The following ADK variants were observed in gnomAD, a reference collection of about 807,000 sequenced individuals.
ADK encodes the protein adenosine kinase.
A neutral mutation model predicts 44.7 loss-of-function variants in ADK; 24 were observed. That is an observed-to-expected ratio of 0.54 (90% confidence interval 0.39 to 0.76). ADK has a LOEUF of 0.76. Ranked by LOEUF, ADK falls within the 30% of genes least tolerant of loss-of-function variation. The pLI is 0.00. For synonymous variants in ADK, 128 were observed against 142.6 expected (o/e 0.90, Z 0.73); for missense variants, 321 against 425.1 (o/e 0.76, Z 2.15).
intron 10 of ADK, among the ~76,000 whole-genome samples, chr10:74,686,757 A>G (rs1429472664): frequency 2.6e-5 from 4 of 151,764 alleles, no homozygotes; most frequent in African/African-American, 9.7e-5. Flanking sequence ...GCTCACTGCA[A>G]CCTCTGCCTC....
intron 10 of ADK, among the ~76,000 whole-genome samples, chr10:74,699,283 G>A (rs1856326001): frequency 6.6e-6 from 1 of 151,380 alleles, no homozygotes; most frequent in Non-Finnish European, 1.5e-5. Flanking sequence ...TGCTGACACA[G>A]TACAGTATTT....
At chr10:74,237,281 C>A (rs1211696462) in intron 3 of ADK, among the ~76,000 whole-genome samples, 1 of 152,194 alleles carries the variant, frequency 6.6e-6, no homozygotes. Context: ...TACATTCCAT[C>A]TTAGGAAACC....
intron 6 of ADK, among the ~76,000 whole-genome samples, chr10:74,408,318 G>C (rs1177231093): frequency 6.6e-6 from 1 of 152,034 alleles, no homozygotes; most frequent in Admixed American, 6.6e-5. Context: ...TAATAACTAT[G>C]ATTTATCTCT....
At chr10:74,402,256 C>T (rs1166735640) in intron 6 of ADK, among the ~76,000 whole-genome samples, 1 of 152,012 alleles carries the variant, frequency 6.6e-6, no homozygotes, top group Non-Finnish European at 1.5e-5. Flanking sequence ...TTGTGGTGTT[C>T]TCTGTATTTC....
chr10:74,584,229 T>C (rs945580940), intron 7 of ADK, among the ~76,000 whole-genome samples: 1 of 152,222 alleles, frequency 6.6e-6, no homozygotes, highest in African/African-American at 2.4e-5. Flanking sequence ...CTCATTTGTT[T>C]ATCCTGAGAT....
In ADK at chr10:74,661,906, G is replaced by A. The variant is rs541448658; in HGVS notation, c.878-8277G>A. 1.5e-4 allele frequency among the ~76,000 whole-genome samples: 23 copies of A among 152,258 alleles called. 1 individual carries two copies. The South Asian group carries it at 4.8e-3, about 32-fold the overall frequency. On this transcript the variant is annotated intron_variant, in intron 9 of 10. Coordinates refer to ENST00000539909, the MANE Select transcript of ADK (RefSeq NM_006721.4). ...TAAGCTCCTTGAGAAGATAGATCATGTCTTAATATTTTTCCTGTATCTCCC... is the reference window on the plus strand; with the variant it reads ...TAAGCTCCTTGAGAAGATAGATCATATCTTAATATTTTTCCTGTATCTCCC...
intron 3 of ADK, among the ~76,000 whole-genome samples, chr10:74,271,142 A>C (rs1846414825): frequency 6.6e-6 from 1 of 152,168 alleles, no homozygotes; most frequent in African/African-American, 2.4e-5. Context: ...TGTATTGAGA[A>C]TTTTTCTTAG....
chr10:74,535,194 C>T (rs972971734), intron 7 of ADK, among the ~76,000 whole-genome samples: 17 of 152,140 alleles, frequency 1.1e-4, no homozygotes, highest in African/African-American at 3.6e-4. Flanking sequence ...GGAACCATAG[C>T]GCACACCTGT....
At chr10:74,656,645 C>T (rs1370549474) in intron 9 of ADK, among the ~76,000 whole-genome samples, 1 of 152,190 alleles carries the variant, frequency 6.6e-6, no homozygotes, top group Non-Finnish European at 1.5e-5. Context: ...CCTAACCTTT[C>T]TGAGCCTCCT....
intron 7 of ADK, among the ~76,000 whole-genome samples, chr10:74,574,036 A>G (rs1851078983): frequency 1.3e-5 from 2 of 151,842 alleles, no homozygotes; most frequent in South Asian, 4.2e-4. Flanking sequence ...ACTGTCTGGC[A>G]CTCCCTAGTG....
intron 7 of ADK, chr10:74,529,430 A>C (rs1034461342): frequency 7.2e-5 from 11 of 152,096 alleles, no homozygotes; most frequent in Non-Finnish European, 1.5e-4. Context: ...AAGTTCTGGA[A>C]ATGGATAGTG....
intron 9 of ADK, among the ~76,000 whole-genome samples, chr10:74,609,519 G>A (rs550823982): frequency 1.3e-5 from 2 of 152,090 alleles, no homozygotes; most frequent in Non-Finnish European, 2.9e-5. Context: ...GCACTTCCCC[G>A]GTAAGGTGAC....
At chr10:74,249,485 A>G (rs1845563887) in intron 3 of ADK, among the ~76,000 whole-genome samples, 1 of 131,616 alleles carries the variant, frequency 7.6e-6, no homozygotes, top group African/African-American at 2.9e-5. Context: ...TTGTATATGC[A>G]TGTACATGCA....
At chr10:74,669,852 A>G (rs1855105559) in intron 9 of ADK, among the ~76,000 whole-genome samples, 1 of 152,054 alleles carries the variant, frequency 6.6e-6, no homozygotes, top group African/African-American at 2.4e-5. Context: ...CCATACCAAC[A>G]CTTCCTTTAG....
At chr10:74,211,845 A>G (rs1276590895) in intron 2 of ADK, among the ~76,000 whole-genome samples, 1 of 152,006 alleles carries the variant, frequency 6.6e-6, no homozygotes, top group South Asian at 2.1e-4. Flanking sequence ...TTCTTTTTAT[A>G]TGTTTATATT....
intron 4 of ADK, among the ~76,000 whole-genome samples, chr10:74,327,271 A>C (rs1841054214): frequency 6.6e-6 from 1 of 152,052 alleles, no homozygotes; most frequent in African/African-American, 2.4e-5. Flanking sequence ...TTTTTCATTG[A>C]CCATGTTGTT....
chr10:74,435,661 C>T (rs764211329), intron 6 of ADK, among the ~76,000 whole-genome samples: 6 of 151,972 alleles, frequency 3.9e-5, no homozygotes, highest in Middle Eastern at 6.8e-3. Flanking sequence ...TTGACAAGGA[C>T]AAAAGGAAAA....
chr10:74,648,791 G>A (rs1222108962), intron 9 of ADK, among the ~76,000 whole-genome samples: 1 of 152,140 alleles, frequency 6.6e-6, no homozygotes, highest in Non-Finnish European at 1.5e-5. Context: ...ATAAGAGCAA[G>A]GTTTTTTATA....
chr10:74,181,229 A>G (rs1322811470), intron 1 of ADK, among the ~76,000 whole-genome samples: 3 of 151,978 alleles, frequency 2.0e-5, no homozygotes, highest in Admixed American at 6.6e-5. Context: ...GAATTCCTAA[A>G]TAATGATTTT....
Sources: allele counts gnomAD v4.1 joint callset (sites outside exome capture counted in the v4.1 genomes callset), GRCh38; gene constraint gnomAD v4.1.1; transcripts MANE v1.5; gene names NCBI Gene and HGNC (gene_info 2026-07-23, HGNC 2026-07-21).